DDHD1: variants seen among roughly 807,000 people sequenced by gnomAD.
DDHD1 encodes phospholipase DDHD1.
In DDHD1, 49 loss-of-function variants were observed where a neutral mutation model predicts 96.4. The observed-to-expected ratio is 0.51, with a 90% CI of 0.40 to 0.64. The LOEUF is 0.64. Among genes scored for constraint, DDHD1 ranks in the 30% least tolerant of loss-of-function variants. DDHD1 has a pLI of 0.00. For synonymous variants in DDHD1, 442 were observed against 446.5 expected, an observed-to-expected ratio of 0.99 and a Z score of 0.13; for missense variants, 1,106 against 1,161.2, an observed-to-expected ratio of 0.95 and a Z score of 0.69.
At position 53,051,849 on chromosome 14, in the gene DDHD1, G is replaced by T; in HGVS notation, c.2516C>A (p.Ala839Asp). ...ATTCCTGACATATACCATACCGAGGGCATTATCTTTATTCTGCATTACATT... is the reference window on the plus strand; with the variant it reads ...ATTCCTGACATATACCATACCGAGGTCATTATCTTTATTCTGCATTACATT... ...PENVMQNKDNALVELDHRIDF... is the reference protein window; with the variant it reads ...PENVMQNKDNDLVELDHRIDF... The change falls in exon 12 of 13, where the codon GCC becomes GAC. Residue 839 changes from alanine (A) to aspartate (D), a missense_variant. By Grantham distance (126) the Ala-to-Asp change is moderately radical. Around this residue, in one of 2 missense-constraint regions of DDHD1, gnomAD observed 650 missense variants for 758.8 expected, o/e 0.86. Transcript: ENST00000673822. The T allele has an allele frequency of 3.1e-6, 5 of 1,591,908 alleles. No individual in the cohort carries two copies. The highest frequency in any genetic ancestry group is 4.3e-6 in the Non-Finnish European group (5 of 1,166,840).
At chr14:53,122,882 TA>T (rs1889110669) in intron 1 of DDHD1, among the ~76,000 whole-genome samples, 1 of 151,964 alleles carries the variant, frequency 6.6e-6, no homozygotes, top group Admixed American at 6.6e-5. Context: ...TTCTTTATGT[TA>T]TACTCTCTCT....
chr14:53,059,863 CAA>C (rs60708379), intron 8 of DDHD1, among the ~76,000 whole-genome samples: 206 of 18,446 alleles, frequency 0.011, no homozygotes, highest in African/African-American at 0.03. Context: ...GACTCTGTCT[CAA>C]AAAAAAAAAA....
chr14:53,139,090 ACCACAC>A (rs1285637729), intron 1 of DDHD1, among the ~76,000 whole-genome samples: 12 of 142,110 alleles, frequency 8.4e-5, no homozygotes, highest in Non-Finnish European at 1.7e-4. Context: ...AAAAAAAAAA[ACCACAC>A]CCACACCCAC....
Position 53,072,651 on chromosome 14 carries a change from C to T in DDHD1, c.1449G>A (p.Leu483=). Reference sequence around the variant, plus strand: ...ACATTATGTCCATTGCACTGCTGTTCAGCATATCCCTTAAACCTCGTACTT... The same window carrying T: ...ACATTATGTCCATTGCACTGCTGTTTAGCATATCCCTTAAACCTCGTACTT... The part of the protein sequence containing the change: ...PDKVRGLRDM[L]NSSAMDIMYY... Residue 483 remains leucine, a synonymous_variant, in exon 6 of 13, where the codon CTG becomes CTA. Coordinates refer to ENST00000673822, the MANE Select transcript of DDHD1 (RefSeq NM_001160148.2). 1 of 1,610,508 alleles carries T rather than the reference C, an allele frequency of 6.2e-7. No individual in the cohort carries two copies. The highest frequency in any genetic ancestry group is 8.5e-7 in the Non-Finnish European group (1 of 1,177,668).
intron 1 of DDHD1, among the ~76,000 whole-genome samples, chr14:53,132,632 C>T (rs888707885): frequency 6.6e-6 from 1 of 152,218 alleles, no homozygotes; most frequent in African/African-American, 2.4e-5. Flanking sequence ...CCTTCCATAT[C>T]CTGCACCACC....
In DDHD1 at chr14:53,063,077, A is replaced by G. The variant is rs780663465; in HGVS notation, c.1632T>C (p.Tyr544=). ...CTGGATTCCAGCCAGTCATTATGTC[A>G]TAAGTAATTACACATCCCAAGGAAT... ...VSHSLGCVIT[Y]DIMTGWNPVR... The change falls in exon 7 of 13, where the codon TAT becomes TAC. Residue 544 remains tyrosine, a synonymous_variant. Transcript: ENST00000673822. 9.9e-6 allele frequency: 16 copies of G among 1,614,040 alleles called. No individual in the cohort carries two copies. The highest frequency in any genetic ancestry group is 1.2e-5 in the Non-Finnish European group (14 of 1,180,014).
At chr14:53,103,898 C>A (rs1887497702) in intron 1 of DDHD1, 42 bp from the exon 2 acceptor site, 1 of 1,505,538 alleles carries the variant, frequency 6.6e-7, no homozygotes. Flanking sequence ...TTTTAAGATT[C>A]AACTTCCCCA....
At chr14:53,104,036 T>C (rs1887508277) in intron 1 of DDHD1, among the ~76,000 whole-genome samples, 180 bp from the exon 2 acceptor site, 1 of 152,246 alleles carries the variant, frequency 6.6e-6, no homozygotes, top group African/African-American at 2.4e-5. Flanking sequence ...TCTTGCTCTG[T>C]TGCCCAGGAT....
At chr14:53,145,205 CA>C (rs1890894612) in intron 1 of DDHD1, among the ~76,000 whole-genome samples, 1 of 151,912 alleles carries the variant, frequency 6.6e-6, no homozygotes, top group African/African-American at 2.4e-5. Flanking sequence ...TTAAAATCTT[CA>C]GTTTTAATAA....
rs568697558 is a variant in DDHD1 at position 53,079,865 on chromosome 14, T to C, written c.1290-6018A>G. Among the ~76,000 whole-genome samples, 5 of 152,254 alleles carry C rather than the reference T, an allele frequency of 3.3e-5. No individual in the cohort carries two copies. In the East Asian group the frequency reaches 9.6e-4, roughly 29 times the overall value. On this transcript the variant is annotated intron_variant, in intron 4 of 12. Transcript: ENST00000673822. ...CCTTGTGCATGCCTCTTTTATTTTTTGCTGATTTTTTTTGGGATAGTACCT... is the reference window on the plus strand; with the variant it reads ...CCTTGTGCATGCCTCTTTTATTTTTCGCTGATTTTTTTTGGGATAGTACCT...
intron 8 of DDHD1, among the ~76,000 whole-genome samples, chr14:53,059,140 T>C (rs888848670): frequency 1.3e-5 from 2 of 152,242 alleles, no homozygotes; most frequent in African/African-American, 2.4e-5. Flanking sequence ...GAAAGGTTTC[T>C]ACAGCTGGGG....
intron 1 of DDHD1, among the ~76,000 whole-genome samples, chr14:53,119,122 T>C (rs886593452): frequency 2.0e-5 from 3 of 152,188 alleles, no homozygotes; most frequent in African/African-American, 4.8e-5. Flanking sequence ...CTGAGAGATT[T>C]TGTTATCCCT....
At chr14:53,078,829 T>G (rs574936798) in intron 4 of DDHD1, among the ~76,000 whole-genome samples, 1 of 152,354 alleles carries the variant, frequency 6.6e-6, no homozygotes, top group South Asian at 2.1e-4. Flanking sequence ...AGAATAAGTT[T>G]AGCCACAGGC....
chr14:53,132,546 G>A (rs369748697), intron 1 of DDHD1, among the ~76,000 whole-genome samples: 26 of 152,198 alleles, frequency 1.7e-4, no homozygotes, highest in African/African-American at 5.1e-4. Context: ...TCAGCAAGCC[G>A]AACTCACTGT....
At chr14:53,097,334 A>G (rs999961356) in intron 2 of DDHD1, among the ~76,000 whole-genome samples, 3 of 152,034 alleles carry the variant, frequency 2.0e-5, no homozygotes, top group African/African-American at 4.8e-5. Flanking sequence ...ACAAGACACA[A>G]TAACTATATC....
intron 1 of DDHD1, among the ~76,000 whole-genome samples, chr14:53,142,690 C>G (rs1253707176): frequency 3.3e-5 from 5 of 152,196 alleles, no homozygotes; most frequent in South Asian, 4.1e-4. Flanking sequence ...GAAAAAATTC[C>G]TCCTCTCCCA....
Position 53,055,796 on chromosome 14 carries a change from G to A in DDHD1, c.2109C>T (p.Leu703=). Residue 703 remains leucine (L), a synonymous_variant, in exon 10 of 13, where the codon CTC becomes CTT. Transcript: ENST00000673822. The part of the protein sequence containing the change: ...LPYEHMKPSF[L]NPAKEPTSVS... The stretch of plus-strand genomic sequence containing the variant: ...CTGAGGTAGGTTCTTTAGCTGGGTT[G>A]AGAAAGCTTGGCTTCATATGTTCAT... 6.2e-7 allele frequency: 1 copy of A among 1,614,084 alleles called. No individual in the cohort carries two copies. The highest frequency in any genetic ancestry group is 8.5e-7 in the Non-Finnish European group (1 of 1,180,006).
At chr14:53,062,859 C>T (rs1438641881) in intron 7 of DDHD1, 84 bp downstream of exon 7, 3 of 1,376,620 alleles carry the variant, frequency 2.2e-6, no homozygotes, top group East Asian at 2.4e-5. Context: ...ATTTCTTTAT[C>T]ATGAAATTCT....
At chr14:53,137,798 T>A (rs1163989863) in intron 1 of DDHD1, among the ~76,000 whole-genome samples, 1 of 151,732 alleles carries the variant, frequency 6.6e-6, no homozygotes, top group East Asian at 1.9e-4. Context: ...GTTCCCAGAA[T>A]CTCAACAAAT....
Sources: allele counts gnomAD v4.1 joint callset (sites outside exome capture counted in the v4.1 genomes callset), GRCh38; gene constraint gnomAD v4.1.1; regional missense constraint gnomAD v4.1.1; transcripts MANE v1.5; gene names NCBI Gene and HGNC (gene_info 2026-07-23, HGNC 2026-07-21).